TENM4: variants seen among roughly 807,000 people sequenced by gnomAD.
TENM4 encodes the protein teneurin transmembrane protein 4, also known as teneurin-4.
A neutral mutation model predicts 243.3 loss-of-function variants in TENM4; 82 were observed. The ratio of observed to expected loss-of-function variants is 0.34; its 90% CI spans 0.28 to 0.40. The LOEUF (loss-of-function observed/expected upper bound fraction) is 0.40, where lower values mean the gene tolerates loss of function less well. TENM4 is among the 10% of genes least tolerant of loss of function. TENM4 has a pLI of 1.00. For synonymous variants in TENM4, 1,412 were observed against 1,456.3 expected, an observed-to-expected ratio of 0.97 and a Z score of 0.69; for missense variants, 3,138 against 3,673.3, an observed-to-expected ratio of 0.85 and a Z score of 3.77.
At chr11:79,280,276 C>T (rs2135362442) in intron 2 of TENM4, among the ~76,000 whole-genome samples, 1 of 152,306 alleles carries the variant, frequency 6.6e-6, no homozygotes, top group African/African-American at 2.4e-5. Context: ...CTGCAGCCTC[C>T]AAAGAGCTCC....
At chr11:78,979,466 C>T (rs766312905) in intron 6 of TENM4, among the ~76,000 whole-genome samples, 1 of 152,210 alleles carries the variant, frequency 6.6e-6, no homozygotes, top group Non-Finnish European at 1.5e-5. Flanking sequence ...GAAATTTAAA[C>T]AGAAGCCTAA....
At chr11:79,109,461 C>T (rs987366439) in intron 4 of TENM4, among the ~76,000 whole-genome samples, 3 of 152,066 alleles carry the variant, frequency 2.0e-5, no homozygotes, top group Non-Finnish European at 4.4e-5. Flanking sequence ...GCCAAGGAGG[C>T]CTTCTAGCAA....
chr11:78,998,507 T>G (rs1858232489), intron 6 of TENM4, among the ~76,000 whole-genome samples: 1 of 152,256 alleles, frequency 6.6e-6, no homozygotes, highest in South Asian at 2.1e-4. Flanking sequence ...ACTATTTTAA[T>G]TTTCTGGAAA....
At chr11:78,862,578 C>T (rs1323672980) in intron 10 of TENM4, among the ~76,000 whole-genome samples, 1 of 152,100 alleles carries the variant, frequency 6.6e-6, no homozygotes, top group Non-Finnish European at 1.5e-5. Flanking sequence ...TACAACACCC[C>T]ATCTACCTGC....
At chr11:78,896,138 T>C (rs1855788962) in intron 7 of TENM4, among the ~76,000 whole-genome samples, 2 of 152,182 alleles carry the variant, frequency 1.3e-5, no homozygotes, top group Admixed American at 1.3e-4. Flanking sequence ...GATCAACGGT[T>C]CACCCTCTCA....
chr11:79,198,104 A>G (rs1427973273), intron 3 of TENM4, among the ~76,000 whole-genome samples: 2 of 152,230 alleles, frequency 1.3e-5, no homozygotes, highest in Non-Finnish European at 2.9e-5. Context: ...TGTTTACTCA[A>G]CAAATAAATA....
intron 18 of TENM4, among the ~76,000 whole-genome samples, 173 bp downstream of exon 18, chr11:78,770,819 C>T (rs181324932): frequency 6.6e-6 from 1 of 152,214 alleles, no homozygotes; most frequent in Non-Finnish European, 1.5e-5. Flanking sequence ...AATGGAACAC[C>T]TGTGATATGC....
chr11:79,050,517 T>A (rs1480676469), intron 6 of TENM4, among the ~76,000 whole-genome samples: 1 of 152,216 alleles, frequency 6.6e-6, no homozygotes, highest in African/African-American at 2.4e-5. Context: ...TGCACTTTCA[T>A]AGCCCACTTC....
chr11:79,230,936 T>C (rs748824684), intron 2 of TENM4, among the ~76,000 whole-genome samples: 1 of 152,230 alleles, frequency 6.6e-6, no homozygotes, highest in Admixed American at 6.5e-5. Context: ...GGCTGAGGGC[T>C]GCACATCCAC....
At chr11:78,780,432 C>T (rs74442646) in intron 16 of TENM4, among the ~76,000 whole-genome samples, 6,180 of 152,154 alleles carry the variant, frequency 0.041, 334 homozygotes, top group African/African-American at 0.12. Context: ...TGGAGGGTCC[C>T]AATTATAAGT....
At chr11:79,102,230 G>A (rs1333918447) in intron 4 of TENM4, among the ~76,000 whole-genome samples, 1 of 152,286 alleles carries the variant, frequency 6.6e-6, no homozygotes, top group Middle Eastern at 3.4e-3. Context: ...CATTTTCTGA[G>A]GGAAAAATAA....
intron 30 of TENM4, 36 bp from the exon 31 acceptor site, chr11:78,672,365 C>T: frequency 6.3e-6 from 10 of 1,585,608 alleles, no homozygotes; most frequent in Non-Finnish European, 7.7e-6. Flanking sequence ...GAAAATTAAT[C>T]TGGACCATGA....
rs184170297 is a variant in TENM4 at position 78,902,073 on chromosome 11, G to C, written c.749+1195C>G. Among the ~76,000 whole-genome samples, 469 of 152,270 alleles carry C rather than the reference G, an allele frequency of 3.1e-3. 2 individuals are homozygous for C. Among genetic ancestry groups the C allele is most frequent in the Non-Finnish European group, 4.8e-3 (326 of 68,012 alleles). Reference sequence around the variant, plus strand: ...GACCTTTGTTCTCTTCACAGATAAAGAACAGGAGTTTGGGGAAATAAAATC... The same window carrying C: ...GACCTTTGTTCTCTTCACAGATAAACAACAGGAGTTTGGGGAAATAAAATC... On this transcript the variant is annotated intron_variant, in intron 7 of 33. Transcript: ENST00000278550.
At chr11:79,138,201 C>A (rs564383198) in intron 4 of TENM4, among the ~76,000 whole-genome samples, 87 of 149,218 alleles carry the variant, frequency 5.8e-4, no homozygotes, top group Admixed American at 2.7e-3. Flanking sequence ...ATATCGGACT[C>A]CAAATTCTTC....
intron 6 of TENM4, among the ~76,000 whole-genome samples, chr11:79,032,892 A>G (rs1859283001): frequency 6.6e-6 from 1 of 152,104 alleles, no homozygotes; most frequent in Admixed American, 6.6e-5. Flanking sequence ...TTCACGACAA[A>G]AAGTTGTTAT....
rs950337100 is a variant in TENM4 at position 79,331,200 on chromosome 11, C to T, written c.-320-33657G>A. Among the ~76,000 whole-genome samples, 5 of 151,878 alleles carry T rather than the reference C, an allele frequency of 3.3e-5. No individual in the cohort carries two copies. The South Asian group carries it at 6.2e-4, about 19-fold the overall frequency. On this transcript the variant is annotated intron_variant, in intron 1 of 33. Coordinates refer to ENST00000278550, the MANE Select transcript of TENM4 (RefSeq NM_001098816.3). Reference sequence around the variant, plus strand: ...GGCGACTGTGTTCCCCTTGTGGAGACGGGCTGACCTGTCCCTGACTGATAA... The same window carrying T: ...GGCGACTGTGTTCCCCTTGTGGAGATGGGCTGACCTGTCCCTGACTGATAA...
At chr11:78,919,802 G>C (rs603294) in intron 6 of TENM4, among the ~76,000 whole-genome samples, 1 of 151,416 alleles carries the variant, frequency 6.6e-6, no homozygotes, top group Non-Finnish European at 1.5e-5. Context: ...ACAGCTGGGA[G>C]TCATGCCTAA....
At chr11:79,054,075 G>T (rs1003785396) in intron 6 of TENM4, among the ~76,000 whole-genome samples, 3 of 152,176 alleles carry the variant, frequency 2.0e-5, no homozygotes, top group African/African-American at 7.2e-5. Flanking sequence ...CCCAGCTTAT[G>T]CCTCATCTAG....
At chr11:79,279,871 G>A (rs967910987) in intron 2 of TENM4, among the ~76,000 whole-genome samples, 1 of 152,176 alleles carries the variant, frequency 6.6e-6, no homozygotes, top group African/African-American at 2.4e-5. Context: ...GTATTAAGAG[G>A]TGTGACCTTT....
Sources: gnomAD v4.1 joint callset for allele counts (sites outside exome capture counted in the v4.1 genomes callset) on GRCh38, gnomAD v4.1.1 for gene constraint, MANE v1.5 for transcripts, NCBI Gene and HGNC (gene_info 2026-07-23, HGNC 2026-07-21) for gene names.